CHST5: variants seen among roughly 807,000 people sequenced by gnomAD.
CHST5 encodes GST4-alpha.
For missense variants in CHST5, 637 were observed against 602.1 expected, an observed-to-expected ratio of 1.06 and a Z score of -0.61; for synonymous variants, 313 against 279.2, an observed-to-expected ratio of 1.12 and a Z score of -1.21.
At chr16:75,533,865 C>T (rs572420749) in intron 2 of CHST5, among the ~76,000 whole-genome samples, 1 of 151,770 alleles carries the variant, frequency 6.6e-6, no homozygotes, top group African/African-American at 2.4e-5. Context: ...CAAGGCAAAA[C>T]CTATCTCTAC....
chr16:75,531,608 C>G lies in CHST5; in HGVS notation c.-1224G>C, dbSNP rs2151691700. ...CAGGGCTGCTGGGAGAGCTGCAACG[C>G]TGATCACAAATCCATGGGAGATGTC... is the stretch of plus-strand genomic sequence containing the variant. On this transcript the variant is annotated 5_prime_UTR_variant, in exon 4 of 4. Transcript: ENST00000336257. 1 of 1,304,058 alleles carries G rather than the reference C, an allele frequency of 7.7e-7. No homozygotes were observed. The highest frequency in any genetic ancestry group is 1.5e-5 in the African/African-American group (1 of 65,964). The allele number at this position is 1,304,058 out of a possible 1,614,324, so 80.8% of individuals were successfully genotyped here. A position where few individuals can be genotyped will look rare whatever the true frequency, so the allele number is the denominator to read the frequency against.
intron 2 of CHST5, among the ~76,000 whole-genome samples, chr16:75,533,655 G>T (rs1440622631): frequency 2.0e-5 from 3 of 152,160 alleles, no homozygotes; most frequent in Non-Finnish European, 4.4e-5. Context: ...AAAGTGTTGG[G>T]ATTACAGGCG....
At chr16:75,532,121 G>C (rs991966580) in intron 3 of CHST5, among the ~76,000 whole-genome samples, 1 of 152,148 alleles carries the variant, frequency 6.6e-6, no homozygotes, top group African/African-American at 2.4e-5. Flanking sequence ...CCCTGTTACT[G>C]TTACTGTCCC....
In CHST5 at chr16:75,530,487, T is replaced by C. The variant is rs2080509629; in HGVS notation, c.-103A>G. On this transcript the variant is annotated 5_prime_UTR_variant, in exon 4 of 4. Coordinates refer to ENST00000336257, the MANE Select transcript of CHST5 (RefSeq NM_024533.5). ...GACTCCCAAGGTCTCAGTCGAGCAC[T>C]TTCCCAGGAATACGGAGTCAAGACA... The C allele has an allele frequency of 9.7e-6, 14 of 1,450,142 alleles. No individual in the cohort carries two copies. The South Asian group carries it at 1.5e-4, about 15-fold the overall frequency. The allele number at this position is 1,450,142 out of a possible 1,614,324, so 89.8% of individuals were successfully genotyped here.
rs1193054304 is a variant in CHST5, at chr16:75,530,687, C to T, written c.-303G>A. 2.5e-6 allele frequency: 3 copies of T among 1,197,490 alleles called. No homozygotes were observed. Among genetic ancestry groups the T allele is most frequent in the Middle Eastern group, 3.5e-4 (1 of 2,830 alleles). 74.2% of individuals were successfully genotyped at this position (1,197,490 alleles called of 1,614,324 possible). A position where few individuals can be genotyped will look rare whatever the true frequency, so the allele number is the denominator to read the frequency against. The stretch of plus-strand genomic sequence containing the variant: ...ACTCCTGTCTTTTGCTTCAGGATAC[C>T]TCTTAGAGAGACCCTTTTAGGTTGT... On this transcript the variant is annotated 5_prime_UTR_variant, in exon 4 of 4. Coordinates refer to ENST00000336257, the MANE Select transcript of CHST5 (RefSeq NM_024533.5).
In CHST5 at chr16:75,529,780, T is replaced by C. The variant is rs928411216; in HGVS notation, c.605A>G (p.Asn202Ser). The C allele has an allele frequency of 6.2e-7, 1 of 1,613,648 alleles. No homozygotes were observed. The change falls in exon 4 of 4, where the codon AAC (asparagine) becomes AGC (serine). Residue 202 changes from asparagine (N) to serine (S), a missense_variant. Physicochemically the swap from Asn to Ser is conservative, Grantham distance 46. Coordinates refer to ENST00000336257, the MANE Select transcript of CHST5 (RefSeq NM_024533.5). ...HVVLKEVRFF[N>S]LQVLYPLLSD... is the part of the protein sequence containing the mutation. The stretch of plus-strand genomic sequence containing the variant: ...GAGCAGCGGGTAGAGCACCTGCAGG[T>C]TGAAGAAGCGCACCTCCTTGAGCAC...
chr16:75,529,028 C>G lies in CHST5; in HGVS notation c.*121G>C. ...TCCTTGCCTACTTCAGGGGAGGACC[C>G]CAAACTCCCGGTTGATAGTAGGGAC... On this transcript the variant is annotated 3_prime_UTR_variant, in exon 4 of 4. Coordinates refer to ENST00000336257, the MANE Select transcript of CHST5 (RefSeq NM_024533.5). The G allele has an allele frequency of 8.8e-7, 1 of 1,139,324 alleles. No homozygotes were observed. The highest frequency in any genetic ancestry group is 3.1e-4 in the Middle Eastern group (1 of 3,264). The allele number at this position is 1,139,324 out of a possible 1,614,324, so 70.6% of individuals were successfully genotyped here. A position where few individuals can be genotyped will look rare whatever the true frequency, so the allele number is the denominator to read the frequency against.
At chr16:75,531,696 A>G in intron 3 of CHST5, 56 bp from the exon 4 acceptor site, 3 of 1,226,104 alleles carry the variant, frequency 2.4e-6, no homozygotes, top group Non-Finnish European at 3.3e-6. Flanking sequence ...AGCCCTGTAC[A>G]TAGAAAGCTC....
In CHST5 at chr16:75,535,366, A is replaced by G. The variant is rs2641804; in HGVS notation, c.-1591T>C. On this transcript the variant is annotated 5_prime_UTR_variant, in exon 2 of 4. Coordinates refer to ENST00000336257, the MANE Select transcript of CHST5 (RefSeq NM_024533.5). Reference sequence around the variant, plus strand: ...GAGGCATGGACGAAGAGTCGGGGGTAACCAAGCCACTGGAAGCTCCTGGAG... The same window carrying G: ...GAGGCATGGACGAAGAGTCGGGGGTGACCAAGCCACTGGAAGCTCCTGGAG... 46,415 of 152,352 alleles carry G rather than the reference A, an allele frequency of 0.3. 7,610 individuals carry two copies. Among genetic ancestry groups the G allele is most frequent in the African/African-American group, 0.43 (17,859 of 41,446 alleles). The allele number at this position is 152,352 out of a possible 1,614,324, so 9.4% of individuals were successfully genotyped here. A position where few individuals can be genotyped will look rare whatever the true frequency, so the allele number is the denominator to read the frequency against.
rs369980589 is a variant in CHST5 at position 75,529,337 on chromosome 16, T to G, written c.1048A>C (p.Asn350His). 2.5e-5 allele frequency: 40 copies of G among 1,613,036 alleles called. No homozygotes were observed. Among genetic ancestry groups the G allele is most frequent in the Non-Finnish European group, 3.2e-5 (38 of 1,179,882 alleles). ...GCGTGGCGCCAGGCCTGGGAGACGTTGCGCGCATTCCTAGACGAAGTATGG... is the reference window on the plus strand; with the variant it reads ...GCGTGGCGCCAGGCCTGGGAGACGTGGCGCGCATTCCTAGACGAAGTATGG... ...AFHTSSRNAR[N>H]VSQAWRHALP... is the part of the protein sequence containing the mutation. The change falls in exon 4 of 4, where the codon AAC becomes CAC. Residue 350 changes from asparagine (N) to histidine (H), a missense_variant. Transcript: ENST00000336257.
chr16:75,529,225 T>C lies in CHST5; in HGVS notation c.1160A>G (p.Asp387Gly), dbSNP rs1461951350. 6.8e-6 allele frequency: 11 copies of C among 1,612,666 alleles called. No homozygotes were observed. The highest frequency in any genetic ancestry group is 9.3e-6 in the Non-Finnish European group (11 of 1,179,798). ...ATCCAGGGTGAGGTCACGCTGCTGGTCCGCAGAGTACACAGGCCGGTAGCC... is the reference window on the plus strand; with the variant it reads ...ATCCAGGGTGAGGTCACGCTGCTGGCCCGCAGAGTACACAGGCCGGTAGCC... ...LLGYRPVYSA[D>G]QQRDLTLDLV... Residue 387 changes from aspartate (D) to glycine (G), a missense_variant, in exon 4 of 4, where the codon GAC becomes GGC. Physicochemically the swap from Asp to Gly is moderately conservative, Grantham distance 94 (BLOSUM62 -1). Transcript: ENST00000336257.
At chr16:75,533,315 G>C (rs1173520949) in intron 2 of CHST5, 132 bp from the exon 3 acceptor site, 2 of 684,902 alleles carry the variant, frequency 2.9e-6, no homozygotes, top group African/African-American at 1.8e-5. Flanking sequence ...CAAGTCCCTT[G>C]GAGGTAGAAA....
At chr16:75,532,945 C>A in intron 3 of CHST5, 144 bp downstream of exon 3, 2 of 546,988 alleles carry the variant, frequency 3.7e-6, no homozygotes, top group Non-Finnish European at 6.5e-6. Flanking sequence ...CACTTCTGAT[C>A]CCAGGCTGTG....
rs1165437684 is a variant in CHST5, at chr16:75,529,479, C to A, written c.906G>T (p.Pro302=). The stretch of plus-strand genomic sequence containing the variant: ...CGTAGAGTGCGCGGATCTCTGCCAG[C>A]GGCTCCCGCGCCAGGTCCTCGAAGC... ...LVRFEDLARE[P]LAEIRALYAF... is the part of the protein sequence containing the mutation. Residue 302 remains proline, a synonymous_variant, in exon 4 of 4, where the codon CCG becomes CCT. Coordinates refer to ENST00000336257, the MANE Select transcript of CHST5 (RefSeq NM_024533.5). 2.5e-6 allele frequency: 4 copies of A among 1,612,004 alleles called. No homozygotes were observed. Among genetic ancestry groups the A allele is most frequent in the Non-Finnish European group, 3.4e-6 (4 of 1,179,806 alleles).
rs1017244367 is a variant in CHST5, at chr16:75,535,305, A to C, written c.-1530T>G. ...TGCTCCTTAAGGTCCCAAGACTATT[A>C]AGGGACACCCAGTGAGGCTGGGAAA... On this transcript the variant is annotated 5_prime_UTR_variant, in exon 2 of 4. The change abolishes the stop of an existing upstream ORF in the 5' untranslated region. Coordinates refer to ENST00000336257, the MANE Select transcript of CHST5 (RefSeq NM_024533.5). 6.6e-6 allele frequency: 1 copy of C among 152,330 alleles called. No individual in the cohort carries two copies. The highest frequency in any genetic ancestry group is 6.5e-5 in the Admixed American group (1 of 15,284). The allele number at this position is 152,330 out of a possible 1,614,324, so 9.4% of individuals were successfully genotyped here.
Position 75,530,563 on chromosome 16 carries a change from T to C in CHST5, c.-179A>G, listed in dbSNP as rs1016157971. On this transcript the variant is annotated 5_prime_UTR_variant, in exon 4 of 4. Transcript: ENST00000336257. ...CAGCAGAAGTCCAGTTGCAGAATAA[T>C]GTGGGATATCATCAAACTGTCTACC... The C allele has an allele frequency of 9.5e-5, 137 of 1,434,742 alleles. No individual in the cohort carries two copies. Among genetic ancestry groups the C allele is most frequent in the Non-Finnish European group, 1.2e-4 (135 of 1,092,834 alleles). The allele number at this position is 1,434,742 out of a possible 1,614,324, so 88.9% of individuals were successfully genotyped here. A position where few individuals can be genotyped will look rare whatever the true frequency, so the allele number is the denominator to read the frequency against.
Position 75,531,463 on chromosome 16 carries a change from G to T in CHST5, c.-1079C>A. 1 of 1,265,628 alleles carries T rather than the reference G, an allele frequency of 7.9e-7. No individual in the cohort carries two copies. The highest frequency in any genetic ancestry group is 1.0e-6 in the Non-Finnish European group (1 of 967,234). 78.4% of individuals were successfully genotyped at this position (1,265,628 alleles called of 1,614,324 possible). A position where few individuals can be genotyped will look rare whatever the true frequency, so the allele number is the denominator to read the frequency against. On this transcript the variant is annotated 5_prime_UTR_variant, in exon 4 of 4. Coordinates refer to ENST00000336257, the MANE Select transcript of CHST5 (RefSeq NM_024533.5). ...GCAGCATGGGCTCCAGAAGGAGGGTGTCCTGGAGCCCTGTGGGTTTGCAAG... is the reference window on the plus strand; with the variant it reads ...GCAGCATGGGCTCCAGAAGGAGGGTTTCCTGGAGCCCTGTGGGTTTGCAAG...
Position 75,531,286 on chromosome 16 carries a change from C to T in CHST5, c.-902G>A. The T allele has an allele frequency of 7.4e-6, 6 of 811,056 alleles. No homozygotes were observed. The highest frequency in any genetic ancestry group is 9.1e-6 in the Non-Finnish European group (6 of 655,830). The allele number at this position is 811,056 out of a possible 1,614,324, so 50.2% of individuals were successfully genotyped here. On this transcript the variant is annotated 5_prime_UTR_variant, in exon 4 of 4. Transcript: ENST00000336257. ...GCAGTGAGCTGAGATTGCGCCACTG[C>T]ACTGCAGCCTGAGTGAAGAGTGAGA...
Position 75,529,042 on chromosome 16 carries a change from G to A in CHST5, c.*107C>T. Reference sequence around the variant, plus strand: ...AGGGGAGGACCCCAAACTCCCGGTTGATAGTAGGGACCTGCTTCCCCATGC... The same window carrying A: ...AGGGGAGGACCCCAAACTCCCGGTTAATAGTAGGGACCTGCTTCCCCATGC... On this transcript the variant is annotated 3_prime_UTR_variant, in exon 4 of 4. Transcript: ENST00000336257. The A allele has an allele frequency of 8.0e-7, 1 of 1,250,766 alleles. No homozygotes were observed. Among genetic ancestry groups the A allele is most frequent in the Admixed American group, 2.9e-5 (1 of 34,188 alleles). 77.5% of individuals were successfully genotyped at this position (1,250,766 alleles called of 1,614,324 possible).
Sources: gnomAD v4.1 joint callset for allele counts (sites outside exome capture counted in the v4.1 genomes callset) on GRCh38, gnomAD v4.1.1 for gene constraint, MANE v1.5 for transcripts, NCBI Gene and HGNC (gene_info 2026-07-23, HGNC 2026-07-21) for gene names.